Variants in XKR4 observed in about 807,000 individuals in gnomAD.
XKR4 encodes the protein XK-related protein 4.
XKR4 carries 12 observed loss-of-function variants against 53.9 expected under a neutral mutation model. The ratio of observed to expected loss-of-function variants is 0.22; its 90% CI spans 0.14 to 0.36. XKR4 has a LOEUF of 0.36. XKR4 is among the 10% of genes least tolerant of loss of function. XKR4 has a pLI of 1.00. For missense variants in XKR4, 799 were observed against 859.5 expected (o/e 0.93, Z 0.88); for synonymous variants, 354 against 362.4 (o/e 0.98, Z 0.26).
At chr8:55,506,656 G>T (rs952639721) in intron 2 of XKR4, among the ~76,000 whole-genome samples, 3 of 152,142 alleles carry the variant, frequency 2.0e-5, no homozygotes, top group Non-Finnish European at 2.9e-5. Context: ...TAATATCTGA[G>T]AAAAGCTGAT....
intron 1 of XKR4, among the ~76,000 whole-genome samples, chr8:55,336,462 A>ATAAC (rs1803463306): frequency 6.6e-6 from 1 of 152,202 alleles, no homozygotes; most frequent in African/African-American, 2.4e-5. Flanking sequence ...AAAAGTCAAA[A>ATAAC]TAAGGTCTGT....
rs940831679 is a variant in XKR4, at chr8:55,305,667, C to A, written c.807-52011C>A. On this transcript the variant is annotated intron_variant, in intron 1 of 2. Transcript: ENST00000327381. ...CATATTTTATAAAATTACTGATTAG[C>A]TTAACAAACACAGCACTGTATAAAT... Among the ~76,000 whole-genome samples, 4 of 152,080 alleles carry A rather than the reference C, an allele frequency of 2.6e-5. No homozygotes were observed. The South Asian group carries it at 8.3e-4, about 31-fold the overall frequency.
At position 55,152,944 on chromosome 8, in the gene XKR4, T is replaced by G. The variant is rs183332468; in HGVS notation, c.806+49650T>G. On this transcript the variant is annotated intron_variant, in intron 1 of 2. Coordinates refer to ENST00000327381, the MANE Select transcript of XKR4 (RefSeq NM_052898.2). ...TAGCTCTAGGGTCTAACTTGAAGTC[T>G]GGTACCTGTTCTTTATAGTATGAAC... Among the ~76,000 whole-genome samples the G allele has an allele frequency of 3.3e-3, 497 of 152,320 alleles. 5 individuals are homozygous for G. Among genetic ancestry groups the G allele is most frequent in the African/African-American group, 0.011 (466 of 41,566 alleles).
chr8:55,257,544 C>T (rs1818456869), intron 1 of XKR4, among the ~76,000 whole-genome samples: 1 of 152,104 alleles, frequency 6.6e-6, no homozygotes, highest in Non-Finnish European at 1.5e-5. Flanking sequence ...CCTGGCCACT[C>T]ATCTGCAATC....
At chr8:55,375,148 G>A (rs943134497) in intron 2 of XKR4, among the ~76,000 whole-genome samples, 1 of 152,348 alleles carries the variant, frequency 6.6e-6, no homozygotes, top group Admixed American at 6.5e-5. Context: ...GTGGCCTTGA[G>A]TGTGTGACTT....
intron 2 of XKR4, among the ~76,000 whole-genome samples, chr8:55,384,568 T>C (rs1162360396): frequency 2.6e-5 from 4 of 152,204 alleles, no homozygotes; most frequent in African/African-American, 7.2e-5. Context: ...GACTCTCCTT[T>C]TTTTGCTGTG....
intron 1 of XKR4, among the ~76,000 whole-genome samples, chr8:55,235,881 A>G (rs1234563040): frequency 6.6e-6 from 1 of 152,188 alleles, no homozygotes; most frequent in Non-Finnish European, 1.5e-5. Flanking sequence ...ACTCACTTTA[A>G]TTAAATTGCC....
intron 2 of XKR4, among the ~76,000 whole-genome samples, chr8:55,458,414 A>T (rs1024326651): frequency 3.9e-5 from 6 of 152,122 alleles, no homozygotes; most frequent in African/African-American, 1.2e-4. Context: ...GGAGTTACCC[A>T]TGACCCCTGG....
chr8:55,224,138 C>T (rs1397211505), intron 1 of XKR4, among the ~76,000 whole-genome samples: 1 of 152,028 alleles, frequency 6.6e-6, no homozygotes, highest in African/African-American at 2.4e-5. Context: ...TCATTTTTGC[C>T]TCCTTCCTCT....
At position 55,528,840 on chromosome 8, in the gene XKR4, T is replaced by A. The variant is rs761193982; in HGVS notation, c.*4613T>A. ...ACTCCTCCCACCTGATGCTCCAGTG[T>A]TTCAAAATGGCCAAGGATGGGCGAT... On this transcript the variant is annotated 3_prime_UTR_variant, in exon 3 of 3. Coordinates refer to ENST00000327381, the MANE Select transcript of XKR4 (RefSeq NM_052898.2). The A allele has an allele frequency of 3.3e-5, 5 of 151,924 alleles. No homozygotes were observed. Among genetic ancestry groups the A allele is most frequent in the East Asian group, 3.9e-4 (2 of 5,184 alleles). 9.4% of individuals were successfully genotyped at this position (151,924 alleles called of 1,614,324 possible). A position where few individuals can be genotyped will look rare whatever the true frequency, so the allele number is the denominator to read the frequency against.
rs117218970 is a variant in XKR4, at chr8:55,255,639, A to G, written c.807-102039A>G. ...GTTAAATAATAATAATTATATTTAT[A>G]TATCTGCACACATACAAATGTACAA... On this transcript the variant is annotated intron_variant, in intron 1 of 2. Coordinates refer to ENST00000327381, the MANE Select transcript of XKR4 (RefSeq NM_052898.2). 1.2e-3 allele frequency among the ~76,000 whole-genome samples: 180 copies of G among 152,292 alleles called. 4 individuals carry two copies. The East Asian group carries it at 0.03, about 25-fold the overall frequency.
rs1429971738 is a variant in XKR4, at chr8:55,532,300, G to A, written c.*8073G>A. ...TACCACATTCCTTACTACAATTATT[G>A]CTATTTTAGTCATTGGACCAGACAA... On this transcript the variant is annotated 3_prime_UTR_variant, in exon 3 of 3. Coordinates refer to ENST00000327381, the MANE Select transcript of XKR4 (RefSeq NM_052898.2). 3 of 151,956 alleles carry A rather than the reference G, an allele frequency of 2.0e-5. No individual in the cohort carries two copies. 9.4% of individuals were successfully genotyped at this position (151,956 alleles called of 1,614,324 possible).
chr8:55,116,578 T>G (rs1816312093), intron 1 of XKR4, among the ~76,000 whole-genome samples: 1 of 152,248 alleles, frequency 6.6e-6, no homozygotes. Context: ...ATGAGAATGA[T>G]GCCTTATAAA....
At chr8:55,502,604 T>A (rs904856116) in intron 2 of XKR4, among the ~76,000 whole-genome samples, 7 of 126,516 alleles carry the variant, frequency 5.5e-5, no homozygotes, top group Admixed American at 5.0e-4. Context: ...GTTATTGAGT[T>A]ATAGTTTTTT....
intron 2 of XKR4, among the ~76,000 whole-genome samples, chr8:55,435,662 C>T (rs947598888): frequency 1.4e-4 from 21 of 150,108 alleles, no homozygotes; most frequent in African/African-American, 4.7e-4. Context: ...CTCAACCTCC[C>T]GGGCTCAAGC....
rs771064478 is a variant in XKR4, at chr8:55,102,717, T to TCGGGCGGCTCCGGCGGCGTCGCCGGCC, written c.238_264dup (p.Ser80_Gly88dup). On this transcript the variant is annotated inframe_insertion, in exon 1 of 3. Coordinates refer to ENST00000327381, the MANE Select transcript of XKR4 (RefSeq NM_052898.2). The surrounding 1 kb of genome is among the most constrained non-coding windows in gnomAD (Gnocchi z 5.1). The stretch of plus-strand genomic sequence containing the variant: ...CGCCGGGAGTGGCGGCTCCGCGGGC[T>TCGGGCGGCTCCGGCGGCGTCGCCGGCC]CGGGCGGCTCCGGCGGCGTCGCCGG... 4.3e-6 allele frequency: 5 copies of TCGGGCGGCTCCGGCGGCGTCGCCGGCC among 1,154,070 alleles called. No individual in the cohort carries two copies. The highest frequency in any genetic ancestry group is 4.2e-5 in the South Asian group (1 of 23,552). The allele number at this position is 1,154,070 out of a possible 1,614,324, so 71.5% of individuals were successfully genotyped here.
chr8:55,412,959 A>G (rs1185939574), intron 2 of XKR4, among the ~76,000 whole-genome samples: 3 of 152,256 alleles, frequency 2.0e-5, no homozygotes, highest in Non-Finnish European at 4.4e-5. Flanking sequence ...AGTCGCCAGC[A>G]GAACGATCCT....
rs1807099765 is a variant in XKR4 at position 55,541,441 on chromosome 8, G to T, written c.*17214G>T. 1 of 152,066 alleles carries T rather than the reference G, an allele frequency of 6.6e-6. No homozygotes were observed. Among genetic ancestry groups the T allele is most frequent in the African/African-American group, 2.4e-5 (1 of 41,378 alleles). The allele number at this position is 152,066 out of a possible 1,614,324, so 9.4% of individuals were successfully genotyped here. ...CTCTGAAAAAAAAATGGAACAGGTG[G>T]CAGGTGAACAGCAAATGGAAGAGAA... On this transcript the variant is annotated 3_prime_UTR_variant, in exon 3 of 3. Coordinates refer to ENST00000327381, the MANE Select transcript of XKR4 (RefSeq NM_052898.2).
At chr8:55,325,515 C>T (rs962949655) in intron 1 of XKR4, among the ~76,000 whole-genome samples, 15 of 152,120 alleles carry the variant, frequency 9.9e-5, no homozygotes, top group Non-Finnish European at 4.4e-5. Flanking sequence ...AATTTTAAAA[C>T]TAAAATGAGG....
Sources: gnomAD v4.1 joint callset for allele counts (sites outside exome capture counted in the v4.1 genomes callset) on GRCh38, gnomAD v4.1.1 for gene constraint, Gnocchi (gnomAD v3.1) non-coding constraint, MANE v1.5 for transcripts, NCBI Gene and HGNC (gene_info 2026-07-23, HGNC 2026-07-21) for gene names.